Variants in RALYL observed in about 807,000 individuals in gnomAD.
RALYL encodes RALY RNA binding protein like.
Under a neutral mutation model 35.1 loss-of-function variants are expected in RALYL, and 29 were observed. The ratio of observed to expected loss-of-function variants is 0.83; its 90% CI spans 0.61 to 1.13. The LOEUF (loss-of-function observed/expected upper bound fraction) is 1.13, where lower values mean the gene tolerates loss of function less well. RALYL is among the 50% of genes most tolerant of loss of function. The pLI is 0.00. For missense variants in RALYL, 359 were observed against 360.4 expected, an observed-to-expected ratio of 1.00 and a Z score of 0.03; for synonymous variants, 120 against 127.6, an observed-to-expected ratio of 0.94 and a Z score of 0.40.
intron 1 of RALYL, among the ~76,000 whole-genome samples, chr8:84,500,871 T>C (rs2056575075): frequency 6.6e-6 from 1 of 152,160 alleles, no homozygotes; most frequent in Non-Finnish European, 1.5e-5. Flanking sequence ...TTCTGTCAAA[T>C]AATTAATTTT....
intron 2 of RALYL, among the ~76,000 whole-genome samples, chr8:84,668,293 G>A (rs1832477032): frequency 6.6e-6 from 1 of 152,112 alleles, no homozygotes; most frequent in South Asian, 2.1e-4. Context: ...TTGGAGCCCA[G>A]AACAAGAAAG....
intron 1 of RALYL, among the ~76,000 whole-genome samples, chr8:84,372,886 G>GTTTTTTTGTTTTTTT (rs1856062222): frequency 2.6e-5 from 1 of 39,064 alleles, no homozygotes; most frequent in Non-Finnish European, 4.5e-5. Flanking sequence ...GCCAGCATCT[G>GTTTTTTTGTTTTTTT]TTTTTTTTTT....
At chr8:84,365,181 G>A (rs575639751) in intron 1 of RALYL, among the ~76,000 whole-genome samples, 46 of 152,190 alleles carry the variant, frequency 3.0e-4, no homozygotes, top group African/African-American at 1.1e-3. Flanking sequence ...AGTCAGTTAT[G>A]TAAAATAAAT....
At chr8:84,318,156 T>A (rs1459013235) in intron 1 of RALYL, among the ~76,000 whole-genome samples, 1 of 152,134 alleles carries the variant, frequency 6.6e-6, no homozygotes, top group Non-Finnish European at 1.5e-5. Flanking sequence ...GTTAAAGACG[T>A]ATTAAGAACT....
chr8:84,744,583 C>T (rs1019813567), intron 2 of RALYL, among the ~76,000 whole-genome samples: 1 of 151,954 alleles, frequency 6.6e-6, no homozygotes, highest in Non-Finnish European at 1.5e-5. Context: ...TGAAAACAGA[C>T]CTCAGAATGT....
chr8:84,452,691 C>T (rs2049635458), intron 1 of RALYL, among the ~76,000 whole-genome samples: 1 of 151,832 alleles, frequency 6.6e-6, no homozygotes, highest in Non-Finnish European at 1.5e-5. Context: ...CCAAAGCTTT[C>T]GTAATTGCAT....
At chr8:84,869,631 G>A (rs562399580) in intron 6 of RALYL, among the ~76,000 whole-genome samples, 9 of 152,242 alleles carry the variant, frequency 5.9e-5, no homozygotes, top group Middle Eastern at 3.4e-3. Context: ...CTAGAAGCCA[G>A]TAGGACCACC....
chr8:84,660,903 A>G (rs1253897493), intron 2 of RALYL, among the ~76,000 whole-genome samples: 3 of 151,874 alleles, frequency 2.0e-5, no homozygotes, highest in Admixed American at 1.3e-4. Flanking sequence ...AATGTCTTAC[A>G]TTATTATTTT....
At chr8:84,556,446 G>T (rs1470494298) in intron 2 of RALYL, among the ~76,000 whole-genome samples, 19 of 151,928 alleles carry the variant, frequency 1.3e-4, no homozygotes, top group Non-Finnish European at 2.8e-4. Flanking sequence ...TCTTATTAAG[G>T]CTATTTGACT....
intron 2 of RALYL, among the ~76,000 whole-genome samples, chr8:84,742,108 A>G (rs748913834): frequency 1.3e-5 from 2 of 152,022 alleles, no homozygotes; most frequent in South Asian, 2.1e-4. Flanking sequence ...AACATTTTCT[A>G]TTACAAGTTT....
chr8:84,533,917 C>T (rs570768004), intron 2 of RALYL, among the ~76,000 whole-genome samples: 2 of 152,330 alleles, frequency 1.3e-5, no homozygotes, highest in South Asian at 4.1e-4. Flanking sequence ...CAATTCCCGT[C>T]AAGCATGTGC....
intron 1 of RALYL, among the ~76,000 whole-genome samples, chr8:84,448,856 G>T (rs182905011): frequency 1.3e-5 from 2 of 152,058 alleles, no homozygotes; most frequent in Non-Finnish European, 2.9e-5. Context: ...TAGGTGTTCT[G>T]GTCATGCTAG....
intron 2 of RALYL, among the ~76,000 whole-genome samples, chr8:84,729,824 A>G (rs1327152878): frequency 7.2e-5 from 11 of 152,170 alleles, no homozygotes; most frequent in Non-Finnish European, 1.5e-4. Context: ...CTCTCCCAAG[A>G]CTAAACCAGG....
At chr8:84,395,293 C>CATTGTGTCCTCTT (rs1386866576) in intron 1 of RALYL, among the ~76,000 whole-genome samples, 1 of 151,784 alleles carries the variant, frequency 6.6e-6, no homozygotes, top group Non-Finnish European at 1.5e-5. Context: ...GTTGCAACCA[C>CATTGTGTCCTCTT]ATTGTGTCCT....
intron 1 of RALYL, among the ~76,000 whole-genome samples, chr8:84,229,157 T>A (rs1171557183): frequency 6.6e-6 from 1 of 152,182 alleles, no homozygotes; most frequent in Admixed American, 6.5e-5. Flanking sequence ...CAATCAGCCA[T>A]TTTGGTGGCC....
chr8:84,755,924 A>G (rs1241250638), intron 2 of RALYL, among the ~76,000 whole-genome samples: 4 of 152,030 alleles, frequency 2.6e-5, no homozygotes, highest in African/African-American at 9.7e-5. Context: ...TGACAATGCC[A>G]TTAAGCTAAA....
At chr8:84,244,076 G>C (rs1828570696) in intron 1 of RALYL, among the ~76,000 whole-genome samples, 1 of 151,922 alleles carries the variant, frequency 6.6e-6, no homozygotes. Flanking sequence ...TTGGGGCAGG[G>C]GCAGGAGATT....
chr8:84,432,224 G>A (rs948114271), intron 1 of RALYL, among the ~76,000 whole-genome samples: 6 of 152,130 alleles, frequency 3.9e-5, no homozygotes, highest in African/African-American at 1.4e-4. Flanking sequence ...CCTGTCATAT[G>A]CAACAACATG....
chr8:84,513,000 G>T (rs998469048), intron 1 of RALYL, among the ~76,000 whole-genome samples: 2 of 152,044 alleles, frequency 1.3e-5, no homozygotes, highest in Non-Finnish European at 2.9e-5. Flanking sequence ...GTTTGCTTTG[G>T]CTATCCAGGG....
Sources: allele counts gnomAD v4.1 joint callset (sites outside exome capture counted in the v4.1 genomes callset), GRCh38; gene constraint gnomAD v4.1.1; transcripts MANE v1.5; gene names NCBI Gene and HGNC (gene_info 2026-07-23, HGNC 2026-07-21).